CTTNBP2: variants seen among roughly 807,000 people sequenced by gnomAD.
CTTNBP2 encodes cortactin binding protein 2.
In CTTNBP2, 108 loss-of-function variants were observed where a neutral mutation model predicts 156.9. That is an observed-to-expected ratio of 0.69 (90% CI 0.59 to 0.81). The LOEUF (loss-of-function observed/expected upper bound fraction) is 0.81. Ranked by LOEUF, CTTNBP2 falls within the 30% of genes least tolerant of loss-of-function variation. The pLI is 0.00. For synonymous variants in CTTNBP2, 767 were observed against 751.8 expected (o/e 1.02, Z -0.33); for missense variants, 1,924 against 2,035.4 (o/e 0.95, Z 1.05).
intron 1 of CTTNBP2, among the ~76,000 whole-genome samples, chr7:117,868,760 A>C (rs753913092): frequency 6.6e-6 from 1 of 152,236 alleles, no homozygotes; most frequent in Non-Finnish European, 1.5e-5. Context: ...GTTCAAATAA[A>C]GTATCCTTCT....
At chr7:117,821,573 A>C (rs1235282788) in intron 2 of CTTNBP2, among the ~76,000 whole-genome samples, 1 of 151,208 alleles carries the variant, frequency 6.6e-6, no homozygotes, top group African/African-American at 2.4e-5. Flanking sequence ...TCAATTTGCT[A>C]ATATTCTGTT....
At chr7:117,821,057 T>C (rs897242929) in intron 2 of CTTNBP2, among the ~76,000 whole-genome samples, 40 of 152,312 alleles carry the variant, frequency 2.6e-4, no homozygotes, top group African/African-American at 9.1e-4. Flanking sequence ...TATGTAGGAC[T>C]ATAACTGATT....
intron 2 of CTTNBP2, among the ~76,000 whole-genome samples, chr7:117,827,104 C>T (rs750675713): frequency 5.7e-4 from 86 of 152,128 alleles, no homozygotes; most frequent in Non-Finnish European, 1.0e-3. Flanking sequence ...ATTGATCTGC[C>T]TGCCTCAGCC....
intron 14 of CTTNBP2, among the ~76,000 whole-genome samples, chr7:117,743,121 TG>T (rs1365228631): frequency 1.3e-5 from 2 of 152,242 alleles, no homozygotes; most frequent in Non-Finnish European, 2.9e-5. Flanking sequence ...TTTAAGAAGA[TG>T]CCCACCATAG....
At chr7:117,815,506 G>A (rs910472679) in intron 2 of CTTNBP2, among the ~76,000 whole-genome samples, 1 of 152,090 alleles carries the variant, frequency 6.6e-6, no homozygotes, top group Non-Finnish European at 1.5e-5. Context: ...TTTCCCAGAT[G>A]GAGGAATAGA....
At chr7:117,770,736 T>C (rs1176782431) in intron 8 of CTTNBP2, among the ~76,000 whole-genome samples, 3 of 152,140 alleles carry the variant, frequency 2.0e-5, no homozygotes, top group African/African-American at 7.2e-5. Flanking sequence ...TTTTACTTTA[T>C]GGAGGAGCAG....
intron 6 of CTTNBP2, 100 bp from the exon 7 acceptor site, chr7:117,780,691 T>C (rs919850703): frequency 1.0e-5 from 6 of 586,772 alleles, no homozygotes; most frequent in Non-Finnish European, 1.4e-5. Flanking sequence ...CAATGTTGCA[T>C]CTTTATATAC....
chr7:117,860,989 T>C (rs1394900139), intron 2 of CTTNBP2, among the ~76,000 whole-genome samples: 2 of 152,124 alleles, frequency 1.3e-5, no homozygotes, highest in Admixed American at 1.3e-4. Flanking sequence ...TACTAAACAG[T>C]TTCGTCTCGG....
rs778637703 is a variant in CTTNBP2 at position 117,757,869 on chromosome 7, C to T, written c.3268+6G>A. 6.3e-7 allele frequency: 1 copy of T among 1,596,954 alleles called. No individual in the cohort carries two copies. Among genetic ancestry groups the T allele is most frequent in the South Asian group, 1.1e-5 (1 of 88,738 alleles). ...TAAACGTCACCTTAGTTAGGGACAT[C>T]CTTACCTGACAAAAGCACAGTGATG... On this transcript the variant is annotated splice_donor_region_variant and intron_variant, in intron 11 of 22. Transcript: ENST00000160373.
intron 3 of CTTNBP2, among the ~76,000 whole-genome samples, chr7:117,808,233 C>A (rs1347601451): frequency 6.6e-6 from 1 of 151,900 alleles, no homozygotes; most frequent in Non-Finnish European, 1.5e-5. Flanking sequence ...GATTTCCTCC[C>A]TACTGTTCAA....
rs1283869975 is a variant in CTTNBP2, at chr7:117,711,238, CTGTTT to C, written c.*294_*298del. ...ATATACAGATATACAGTACACAGTT[CTGTTT>C]TAATACCCCTGAACATCTTGATTAA... On this transcript the variant is annotated 3_prime_UTR_variant, in exon 23 of 23. Transcript: ENST00000160373. 2.4e-5 allele frequency: 7 copies of C among 292,978 alleles called. No homozygotes were observed. The highest frequency in any genetic ancestry group is 1.3e-4 in the South Asian group (3 of 23,950). 18.1% of individuals were successfully genotyped at this position (292,978 alleles called of 1,614,324 possible).
chr7:117,742,426 A>T (rs888059762), intron 14 of CTTNBP2, among the ~76,000 whole-genome samples: 1 of 152,160 alleles, frequency 6.6e-6, no homozygotes, highest in African/African-American at 2.4e-5. Flanking sequence ...GGGTGGATGA[A>T]TGCCCTAGAA....
intron 3 of CTTNBP2, among the ~76,000 whole-genome samples, chr7:117,798,711 A>C (rs1799454699): frequency 6.6e-6 from 1 of 152,130 alleles, no homozygotes; most frequent in African/African-American, 2.4e-5. Flanking sequence ...CCAAAGTAGA[A>C]GGAATCAAAT....
At chr7:117,755,574 T>A in intron 12 of CTTNBP2, 2 of 469,360 alleles carry the variant, frequency 4.3e-6, no homozygotes, top group Non-Finnish European at 8.8e-6. Context: ...AGTTTCCCCA[T>A]CTGTAAAATG....
At chr7:117,871,817 A>ACC (rs1201368279) in intron 1 of CTTNBP2, 1 of 319,180 alleles carries the variant, frequency 3.1e-6, no homozygotes, top group Non-Finnish European at 3.8e-6. Flanking sequence ...ACACACACAC[A>ACC]CCCTCTTTCT....
intron 2 of CTTNBP2, among the ~76,000 whole-genome samples, chr7:117,846,089 G>C (rs1186129277): frequency 6.6e-6 from 1 of 151,980 alleles, no homozygotes; most frequent in Non-Finnish European, 1.5e-5. Context: ...CTGACCTCGT[G>C]ATCCGCCCGC....
chr7:117,821,417 T>G (rs1242610529), intron 2 of CTTNBP2, among the ~76,000 whole-genome samples: 1 of 152,032 alleles, frequency 6.6e-6, no homozygotes, highest in Non-Finnish European at 1.5e-5. Context: ...TCTTTACTAT[T>G]CCTGGTTTGC....
chr7:117,850,393 G>A (rs1802863910), intron 2 of CTTNBP2, among the ~76,000 whole-genome samples: 1 of 152,088 alleles, frequency 6.6e-6, no homozygotes, highest in African/African-American at 2.4e-5. Context: ...TATATTCATT[G>A]GTACAAAACA....
intron 3 of CTTNBP2, among the ~76,000 whole-genome samples, chr7:117,802,423 G>T: frequency 8.6e-6 from 1 of 115,750 alleles, no homozygotes; most frequent in South Asian, 2.7e-4. Context: ...TACCATTCTA[G>T]ACTTCAGCAT....
Sources: allele counts gnomAD v4.1 joint callset (sites outside exome capture counted in the v4.1 genomes callset), GRCh38; gene constraint gnomAD v4.1.1; transcripts MANE v1.5; gene names NCBI Gene and HGNC (gene_info 2026-07-23, HGNC 2026-07-21).